Variants in ARHGEF12 observed in about 807,000 individuals in gnomAD.
ARHGEF12 encodes the protein KMT2A/ARHGEF12 fusion protein.
ARHGEF12 carries 66 observed loss-of-function variants against 211.2 expected under a neutral mutation model. The ratio of observed to expected loss-of-function variants is 0.31; its 90% CI spans 0.26 to 0.38. The LOEUF (loss-of-function observed/expected upper bound fraction) is 0.38. Ranked by LOEUF, ARHGEF12 falls within the 10% of genes least tolerant of loss-of-function variation. ARHGEF12 has a pLI of 1.00. For synonymous variants in ARHGEF12, 592 were observed against 638.4 expected (o/e 0.93, Z 1.09); for missense variants, 1,429 against 1,869.5 (o/e 0.76, Z 4.34).
chr11:120,341,167 C>T (rs576852060), intron 1 of ARHGEF12, among the ~76,000 whole-genome samples: 1 of 152,110 alleles, frequency 6.6e-6, no homozygotes, highest in Non-Finnish European at 1.5e-5. Flanking sequence ...AAGCGGTTCT[C>T]CTGCCTCAGC....
chr11:120,478,104 A>C, intron 36 of ARHGEF12, 52 bp from the exon 37 acceptor site: 1 of 1,280,008 alleles, frequency 7.8e-7, no homozygotes, highest in South Asian at 1.3e-5. Flanking sequence ...TTCATGTTAA[A>C]AGTTAAAAGC....
intron 11 of ARHGEF12, among the ~76,000 whole-genome samples, chr11:120,432,136 T>C (rs986393835): frequency 1.3e-5 from 2 of 152,232 alleles, no homozygotes; most frequent in African/African-American, 4.8e-5. Flanking sequence ...CTGTTTCTTT[T>C]ACAGGGATGG....
chr11:120,424,072 C>T (rs955601245), intron 6 of ARHGEF12, among the ~76,000 whole-genome samples: 11 of 152,122 alleles, frequency 7.2e-5, no homozygotes, highest in African/African-American at 1.2e-4. Context: ...TCACCGTGAA[C>T]GATTTGTAAA....
intron 16 of ARHGEF12, among the ~76,000 whole-genome samples, 180 bp from the exon 17 acceptor site, chr11:120,446,213 TAATAATAATA>T (rs1946042409): frequency 6.7e-6 from 1 of 148,686 alleles, no homozygotes; most frequent in Non-Finnish European, 1.5e-5. Flanking sequence ...ATAATAATAA[TAATAATAATA>T]ATAATAATAA....
chr11:120,419,583 A>C (rs988446188), intron 4 of ARHGEF12, among the ~76,000 whole-genome samples: 8 of 151,914 alleles, frequency 5.3e-5, no homozygotes, highest in African/African-American at 1.9e-4. Flanking sequence ...TCATGTACTC[A>C]TGATGTGTCA....
chr11:120,481,387 A>G lies in ARHGEF12; in HGVS notation c.4365A>G (p.Gln1455=). ...CTGTGGAATCCACCCACCAGCAGCA[A>G]CATTCTCCTCAGAATACTCACTCCG... ...IPAVESTHQQ[Q]HSPQNTHSDG... is the part of the protein sequence containing the mutation. Residue 1455 remains glutamine (Q), a synonymous_variant, in exon 39 of 41, where the codon CAA becomes CAG. Coordinates refer to ENST00000397843, the MANE Select transcript of ARHGEF12 (RefSeq NM_015313.3). 6.2e-7 allele frequency: 1 copy of G among 1,614,140 alleles called. No homozygotes were observed. Among genetic ancestry groups the G allele is most frequent in the South Asian group, 1.1e-5 (1 of 91,084 alleles).
chr11:120,440,119 A>G lies in ARHGEF12; in HGVS notation c.1000-10A>G. The G allele has an allele frequency of 2.5e-6, 4 of 1,598,534 alleles. No homozygotes were observed. The highest frequency in any genetic ancestry group is 3.4e-6 in the Non-Finnish European group (4 of 1,171,122). On this transcript the variant is annotated splice_polypyrimidine_tract_variant and intron_variant, in intron 12 of 40. Coordinates refer to ENST00000397843, the MANE Select transcript of ARHGEF12 (RefSeq NM_015313.3). The stretch of plus-strand genomic sequence containing the variant: ...TAATTTTTCTGTTTCTTTTCCCTGA[A>G]TGTTGCCAGGACACTCAATCACTTG...
intron 28 of ARHGEF12, among the ~76,000 whole-genome samples, chr11:120,466,239 A>G (rs1451412412): frequency 2.6e-5 from 4 of 152,230 alleles, no homozygotes; most frequent in Non-Finnish European, 5.9e-5. Flanking sequence ...TTCTAAGCTC[A>G]CTGGTTGTTA....
chr11:120,445,399 C>G, intron 15 of ARHGEF12, 23 bp from the exon 16 acceptor site: 1 of 1,613,552 alleles, frequency 6.2e-7, no homozygotes, highest in Non-Finnish European at 8.5e-7. Context: ...GTTGTTACAC[C>G]TTTTGTTTGC....
At chr11:120,426,169 AT>A (rs1214060554) in intron 7 of ARHGEF12, among the ~76,000 whole-genome samples, 1 of 152,202 alleles carries the variant, frequency 6.6e-6, no homozygotes, top group Non-Finnish European at 1.5e-5. Flanking sequence ...TGAGAATGTG[AT>A]TTATAAATTG....
At chr11:120,482,126 A>G (rs764881986) in intron 39 of ARHGEF12, among the ~76,000 whole-genome samples, 91 of 152,308 alleles carry the variant, frequency 6.0e-4, no homozygotes, top group Non-Finnish European at 4.6e-4. Context: ...GTGTGTTTGT[A>G]TGGGTGTCTA....
intron 35 of ARHGEF12, 22 bp from the exon 36 acceptor site, chr11:120,477,419 GTTTTTT>G: frequency 2.4e-6 from 3 of 1,251,360 alleles, no homozygotes; most frequent in African/African-American, 1.6e-5. Context: ...GAAGGTAAAA[GTTTTTT>G]TTTTTTTTTT....
intron 29 of ARHGEF12, among the ~76,000 whole-genome samples, chr11:120,467,604 G>A (rs1946746060): frequency 8.1e-6 from 1 of 123,400 alleles, no homozygotes; most frequent in Non-Finnish European, 1.7e-5. Context: ...CACCACACTT[G>A]GCTTTTTTTT....
chr11:120,350,206 T>C (rs1041734338), intron 1 of ARHGEF12, among the ~76,000 whole-genome samples: 1 of 152,228 alleles, frequency 6.6e-6, no homozygotes, highest in Admixed American at 6.5e-5. Context: ...TTTATTCATC[T>C]GTGCTGAAGA....
chr11:120,460,583 TA>T (rs57250811), intron 26 of ARHGEF12, 88 bp from the exon 27 acceptor site: 222,823 of 880,260 alleles, frequency 0.25, 12,422 homozygotes, highest in South Asian at 0.27. Context: ...ATCGTCTTTA[TA>T]AAAAAAAAAA....
intron 4 of ARHGEF12, among the ~76,000 whole-genome samples, chr11:120,415,166 G>A (rs1393821723): frequency 1.3e-5 from 2 of 151,994 alleles, no homozygotes; most frequent in Admixed American, 6.6e-5. Flanking sequence ...GATGAAAGCT[G>A]GTTTTTGGGT....
At chr11:120,419,848 C>T (rs1029210467) in intron 4 of ARHGEF12, among the ~76,000 whole-genome samples, 9 of 152,030 alleles carry the variant, frequency 5.9e-5, no homozygotes, top group Admixed American at 5.2e-4. Flanking sequence ...ATATTGACTT[C>T]GGTGAAATGC....
chr11:120,345,720 A>C (rs892792480), intron 1 of ARHGEF12, among the ~76,000 whole-genome samples: 8 of 151,210 alleles, frequency 5.3e-5, no homozygotes, highest in African/African-American at 1.7e-4. Flanking sequence ...AAAAAAAAAA[A>C]ACGAAATGGC....
chr11:120,351,437 ATATATATATATATATATATT>A (rs1437363718), intron 1 of ARHGEF12, among the ~76,000 whole-genome samples: 17 of 3,290 alleles, frequency 5.2e-3, no homozygotes, highest in East Asian at 0.013. Flanking sequence ...ATATATATAT[ATATATATATATATATATATT>A]TTTTTTTTTT....
Sources: allele counts gnomAD v4.1 joint callset (sites outside exome capture counted in the v4.1 genomes callset), GRCh38; gene constraint gnomAD v4.1.1; transcripts MANE v1.5; gene names NCBI Gene and HGNC (gene_info 2026-07-23, HGNC 2026-07-21).